PPP1R37: variants seen among roughly 807,000 people sequenced by gnomAD.
PPP1R37 encodes the protein protein phosphatase 1 regulatory subunit 37.
A neutral mutation model predicts 61.0 loss-of-function variants in PPP1R37; 21 were observed. That is an observed-to-expected ratio of 0.34 (90% CI 0.24 to 0.50). The LOEUF (loss-of-function observed/expected upper bound fraction) is 0.50. Ranked by LOEUF, PPP1R37 falls within the 20% of genes least tolerant of loss-of-function variation. The pLI is 0.98. For missense variants in PPP1R37, 910 were observed against 952.7 expected, an observed-to-expected ratio of 0.96 and a Z score of 0.59; for synonymous variants, 443 against 433.5, an observed-to-expected ratio of 1.02 and a Z score of -0.27.
In PPP1R37 at chr19:45,130,937, C is replaced by T. The variant is rs541373609; in HGVS notation, c.203-7577C>T. ...CACCCTCCCACTGTGTCCCCCAGCCCGCACAGTGTTGCTTCCTGGTGTTTT... is the reference window on the plus strand; with the variant it reads ...CACCCTCCCACTGTGTCCCCCAGCCTGCACAGTGTTGCTTCCTGGTGTTTT... On this transcript the variant is annotated intron_variant, in intron 1 of 12. Coordinates refer to ENST00000221462, the MANE Select transcript of PPP1R37 (RefSeq NM_019121.2). This position sits in a 1 kb window ranked among gnomAD's most constrained non-coding sequence, Gnocchi z 4.4. 3.3e-5 allele frequency among the ~76,000 whole-genome samples: 5 copies of T among 152,280 alleles called. No homozygotes were observed. Among genetic ancestry groups the T allele is most frequent in the Non-Finnish European group, 7.4e-5 (5 of 68,022 alleles).
intron 1 of PPP1R37, among the ~76,000 whole-genome samples, chr19:45,096,427 T>G (rs985653127): frequency 3.3e-5 from 5 of 152,218 alleles, no homozygotes; most frequent in African/African-American, 1.2e-4. Context: ...TCTGTTTCTT[T>G]CTCTGCAAAT....
intron 1 of PPP1R37, among the ~76,000 whole-genome samples, chr19:45,131,805 C>T (rs986845433): frequency 3.9e-5 from 6 of 152,184 alleles, no homozygotes; most frequent in African/African-American, 1.2e-4. Context: ...CCACCATCAC[C>T]ACCACCATCA....
intron 1 of PPP1R37, chr19:45,128,666 C>T (rs571558137): frequency 6.5e-6 from 8 of 1,228,232 alleles, no homozygotes; most frequent in South Asian, 1.2e-5. Flanking sequence ...TCGTGGTGCT[C>T]AAAGGCTGGC....
At chr19:45,146,549 C>T (rs950582021) in intron 12 of PPP1R37, 22 bp from the exon 13 acceptor site, 115 of 1,131,408 alleles carry the variant, frequency 1.0e-4, no homozygotes, top group Non-Finnish European at 1.4e-4. Context: ...GACAGTCTCT[C>T]CCCCAATCTC....
At position 45,121,712 on chromosome 19, in the gene PPP1R37, G is replaced by A. The variant is rs561463308; in HGVS notation, c.203-16802G>A. 6.6e-6 allele frequency among the ~76,000 whole-genome samples: 1 copy of A among 152,216 alleles called. No homozygotes were observed. The highest frequency in any genetic ancestry group is 1.5e-5 in the Non-Finnish European group (1 of 68,030). ...GGCCTCTGGATGCCCGCGGTGGGGT[G>A]CTGGGGCCTCCACGGGCGTCATTCT... On this transcript the variant is annotated intron_variant, in intron 1 of 12. Coordinates refer to ENST00000221462, the MANE Select transcript of PPP1R37 (RefSeq NM_019121.2). The surrounding 1 kb of genome is among the most constrained non-coding windows in gnomAD (Gnocchi z 4.2).
chr19:45,127,352 CAAAAAAAA>C lies in PPP1R37; in HGVS notation c.203-11145_203-11138del, dbSNP rs11295552. ...GGGCAAGAAGAGTAAAACTCCATCT[CAAAAAAAA>C]AAAAAAAAAAAAAAAACCCTAGGTG... On this transcript the variant is annotated intron_variant, in intron 1 of 12. Coordinates refer to ENST00000221462, the MANE Select transcript of PPP1R37 (RefSeq NM_019121.2). Among the ~76,000 whole-genome samples, 47 of 69,660 alleles carry C rather than the reference CAAAAAAAA, an allele frequency of 6.7e-4. 1 individual carries two copies. The South Asian group carries it at 0.016, about 24-fold the overall frequency. The allele number at this position is 69,660 out of a possible 152,430, so 45.7% of individuals were successfully genotyped here.
In PPP1R37 at chr19:45,130,367, C is replaced by A. The variant is rs1270717054; in HGVS notation, c.203-8147C>A. Among the ~76,000 whole-genome samples, 1 of 152,168 alleles carries A rather than the reference C, an allele frequency of 6.6e-6. No homozygotes were observed. Among genetic ancestry groups the A allele is most frequent in the Non-Finnish European group, 1.5e-5 (1 of 68,020 alleles). ...GCTCCGGTCTCCTGCAGAATGAGAG[C>A]GAAGTCCTCACCAGGGTCCACGGGG... On this transcript the variant is annotated intron_variant, in intron 1 of 12. Transcript: ENST00000221462. This position sits in a 1 kb window ranked among gnomAD's most constrained non-coding sequence, Gnocchi z 4.4.
At chr19:45,117,179 C>CTGGGATTACAGGTG (rs1254583451) in intron 1 of PPP1R37, among the ~76,000 whole-genome samples, 1 of 152,154 alleles carries the variant, frequency 6.6e-6, no homozygotes, top group East Asian at 1.9e-4. Context: ...TCCCAAAGTG[C>CTGGGATTACAGGTG]TGGGATTACA....
At chr19:45,136,581 T>C (rs1968541595) in intron 1 of PPP1R37, among the ~76,000 whole-genome samples, 1 of 152,146 alleles carries the variant, frequency 6.6e-6, no homozygotes, top group South Asian at 2.1e-4. Flanking sequence ...TGGGCCTTTG[T>C]CAGACAGCTC....
chr19:45,119,707 G>T (rs1968315281), intron 1 of PPP1R37, among the ~76,000 whole-genome samples: 1 of 152,196 alleles, frequency 6.6e-6, no homozygotes, highest in South Asian at 2.1e-4. Flanking sequence ...ACTGTCATCT[G>T]CCCCAGGCCC....
intron 1 of PPP1R37, among the ~76,000 whole-genome samples, chr19:45,109,134 A>G (rs1406165899): frequency 1.3e-5 from 2 of 152,128 alleles, no homozygotes; most frequent in Non-Finnish European, 2.9e-5. Flanking sequence ...CCCTTTGCCT[A>G]TTTTTATTTT....
rs1239222262 is a variant in PPP1R37 at position 45,130,547 on chromosome 19, C to T, written c.203-7967C>T. On this transcript the variant is annotated intron_variant, in intron 1 of 12. Coordinates refer to ENST00000221462, the MANE Select transcript of PPP1R37 (RefSeq NM_019121.2). The surrounding 1 kb of genome is among the most constrained non-coding windows in gnomAD (Gnocchi z 4.4). Reference sequence around the variant, plus strand: ...TGGGCCTCCTGAATGAAGACCCAGACCTGAGCCCGGTGGGGCCTCTGGGAA... The same window carrying T: ...TGGGCCTCCTGAATGAAGACCCAGATCTGAGCCCGGTGGGGCCTCTGGGAA... Among the ~76,000 whole-genome samples, 1 of 152,164 alleles carries T rather than the reference C, an allele frequency of 6.6e-6. No homozygotes were observed. The highest frequency in any genetic ancestry group is 2.4e-5 in the African/African-American group (1 of 41,440).
chr19:45,113,026 G>T (rs557804009), intron 1 of PPP1R37, among the ~76,000 whole-genome samples: 1 of 152,334 alleles, frequency 6.6e-6, no homozygotes, highest in Non-Finnish European at 1.5e-5. Flanking sequence ...GGCAGAGGGA[G>T]GGGTCACAGC....
At chr19:45,107,873 T>C (rs143304508) in intron 1 of PPP1R37, among the ~76,000 whole-genome samples, 3 of 152,350 alleles carry the variant, frequency 2.0e-5, no homozygotes, top group Non-Finnish European at 4.4e-5. Context: ...TTAGAAAGCA[T>C]GATTTAAAGT....
chr19:45,109,279 C>T (rs1046603865), intron 1 of PPP1R37, among the ~76,000 whole-genome samples: 5 of 152,180 alleles, frequency 3.3e-5, no homozygotes, highest in Admixed American at 6.5e-5. Flanking sequence ...AGCACTTTCT[C>T]CTCTGCTATT....
chr19:45,133,316 T>G (rs2122744085), intron 1 of PPP1R37, among the ~76,000 whole-genome samples: 1 of 152,336 alleles, frequency 6.6e-6, no homozygotes, highest in South Asian at 2.1e-4. Context: ...ACTCCTGGCC[T>G]CAGATGATCT....
chr19:45,143,430 C>A, intron 7 of PPP1R37, 91 bp from the exon 8 acceptor site: 1 of 731,098 alleles, frequency 1.4e-6, no homozygotes, highest in East Asian at 2.7e-5. Flanking sequence ...CCATGGAGGT[C>A]CTAAGCAGAG....
chr19:45,146,443 A>C lies in PPP1R37; in HGVS notation c.2047A>C (p.Ser683Arg), dbSNP rs1053751351. The C allele has an allele frequency of 7.2e-6, 11 of 1,535,856 alleles. No homozygotes were observed. The highest frequency in any genetic ancestry group is 9.6e-6 in the Non-Finnish European group (11 of 1,146,750). Residue 683 changes from serine to arginine, a missense_variant, in exon 12 of 13, where the codon AGT becomes CGT. Around this residue, in one of 3 missense-constraint regions of PPP1R37, gnomAD observed 549 missense variants for 505.1 expected, o/e 1.09. Coordinates refer to ENST00000221462, the MANE Select transcript of PPP1R37 (RefSeq NM_019121.2). ...KELEELLLEA[S>R]QESGQETL ...GCTCGAGGAGCTGCTTCTGGAAGCC[A>C]GTCAGGAATCCGGGCAGGAGACACT...
In PPP1R37 at chr19:45,142,193, C is replaced by A; in HGVS notation, c.700C>A (p.Arg234=). 1 of 1,534,696 alleles carries A rather than the reference C, an allele frequency of 6.5e-7. No individual in the cohort carries two copies. The highest frequency in any genetic ancestry group is 1.4e-5 in the African/African-American group (1 of 73,152). The change falls in exon 6 of 13, where the codon CGG becomes AGG. Residue 234 remains arginine, a synonymous_variant. Coordinates refer to ENST00000221462, the MANE Select transcript of PPP1R37 (RefSeq NM_019121.2). ...LHLENASLSG[R]PLMLLATALK... The stretch of plus-strand genomic sequence containing the variant: ...CTTGGAGAACGCCAGCCTGTCGGGG[C>A]GGCCCCTCATGCTGCTCGGTGAGCC...
Sources: allele counts gnomAD v4.1 joint callset (sites outside exome capture counted in the v4.1 genomes callset), GRCh38; gene constraint gnomAD v4.1.1; regional missense constraint gnomAD v4.1.1; non-coding constraint Gnocchi (gnomAD v3.1); transcripts MANE v1.5; gene names NCBI Gene and HGNC (gene_info 2026-07-23, HGNC 2026-07-21).